Variants in RBFOX1 observed in about 807,000 individuals in gnomAD.
RBFOX1 encodes RNA binding fox-1 homolog 1.
In RBFOX1, 8 loss-of-function variants were observed where a neutral mutation model predicts 57.7. The observed-to-expected ratio is 0.14, with a 90% confidence interval of 0.08 to 0.25. RBFOX1 has a LOEUF of 0.25. RBFOX1 is among the 10% of genes least tolerant of loss of function. RBFOX1 has a pLI of 1.00. For missense variants in RBFOX1, 611 were observed against 548.5 expected (o/e 1.11, Z -1.14); for synonymous variants, 326 against 222.4 (o/e 1.47, Z -4.15).
chr16:5,513,574 T>C (rs1274816926), intron 2 of RBFOX1, among the ~76,000 whole-genome samples: 1 of 152,214 alleles, frequency 6.6e-6, no homozygotes, highest in African/African-American at 2.4e-5. Flanking sequence ...TTTGTTTGCT[T>C]TCATTGATGG....
At chr16:7,461,835 G>A (rs2059639594) in intron 4 of RBFOX1, among the ~76,000 whole-genome samples, 1 of 152,012 alleles carries the variant, frequency 6.6e-6, no homozygotes, top group African/African-American at 2.4e-5. Context: ...CTTCTGGGAT[G>A]TGAGGGGGCA....
chr16:7,419,362 C>G (rs184524826), intron 4 of RBFOX1, among the ~76,000 whole-genome samples: 1 of 152,328 alleles, frequency 6.6e-6, no homozygotes, highest in Admixed American at 6.5e-5. Flanking sequence ...TTCCAGGAGT[C>G]TCCACTGTCT....
intron 3 of RBFOX1, among the ~76,000 whole-genome samples, chr16:6,950,853 T>C (rs1353452890): frequency 6.6e-6 from 1 of 152,034 alleles, no homozygotes; most frequent in African/African-American, 2.4e-5. Context: ...TTTTCTTTCT[T>C]TCTCTGTTTT....
intron 2 of RBFOX1, among the ~76,000 whole-genome samples, chr16:6,561,263 C>A (rs2153910160): frequency 6.6e-6 from 1 of 152,318 alleles, no homozygotes; most frequent in East Asian, 1.9e-4. Context: ...CTGTCCACAG[C>A]AGACCAGAAT....
intron 2 of RBFOX1, among the ~76,000 whole-genome samples, chr16:6,654,398 T>G (rs921096042): frequency 6.6e-6 from 1 of 152,214 alleles, no homozygotes. Flanking sequence ...AACTTACTTA[T>G]GAGATACATA....
At chr16:5,860,081 G>A (rs142624652) in intron 3 of RBFOX1, among the ~76,000 whole-genome samples, 2,142 of 152,236 alleles carry the variant, frequency 0.014, 19 homozygotes, top group Non-Finnish European at 0.022. Flanking sequence ...AGTGGACACT[G>A]TCAGCATTTC....
intron 1 of RBFOX1, among the ~76,000 whole-genome samples, chr16:6,139,675 T>G (rs1191264108): frequency 6.6e-6 from 1 of 152,254 alleles, no homozygotes; most frequent in Non-Finnish European, 1.5e-5. Context: ...TAGATTGGCT[T>G]GGCCATGCCA....
At chr16:7,257,350 A>T (rs2094731914) in intron 4 of RBFOX1, among the ~76,000 whole-genome samples, 1 of 152,030 alleles carries the variant, frequency 6.6e-6, no homozygotes, top group Non-Finnish European at 1.5e-5. Flanking sequence ...CTGGGGTAAA[A>T]TTACATGCAA....
intron 1 of RBFOX1, among the ~76,000 whole-genome samples, chr16:6,145,984 C>T (rs76355302): frequency 0.031 from 4,673 of 152,210 alleles, 264 homozygotes; most frequent in African/African-American, 0.11. Context: ...TGACCAAAGG[C>T]ATTTATTTGC....
At chr16:6,760,092 G>A (rs7188743) in intron 3 of RBFOX1, among the ~76,000 whole-genome samples, 144,972 of 152,206 alleles carry the variant, frequency 0.95, 69,463 homozygotes, top group East Asian at 1. Flanking sequence ...GTGTGATCTT[G>A]TTTTCATTAA....
intron 4 of RBFOX1, among the ~76,000 whole-genome samples, chr16:7,189,349 C>A (rs954304902): frequency 2.7e-5 from 4 of 147,272 alleles, no homozygotes; most frequent in African/African-American, 7.5e-5. Context: ...TGGTGTGAAC[C>A]CGGGAGGTGG....
intron 2 of RBFOX1, among the ~76,000 whole-genome samples, chr16:6,512,225 A>G (rs1332906176): frequency 6.8e-6 from 1 of 147,916 alleles, no homozygotes; most frequent in East Asian, 2.1e-4. Context: ...TTGAGGCTGC[A>G]GTGAACCATG....
chr16:7,045,054 C>G (rs1188200258), intron 3 of RBFOX1, among the ~76,000 whole-genome samples: 1 of 152,156 alleles, frequency 6.6e-6, no homozygotes, highest in Non-Finnish European at 1.5e-5. Flanking sequence ...ACAGCTCTTT[C>G]TTCACGGAAG....
At chr16:6,236,304 C>G (rs2097504738) in intron 1 of RBFOX1, among the ~76,000 whole-genome samples, 1 of 152,140 alleles carries the variant, frequency 6.6e-6, no homozygotes, top group South Asian at 2.1e-4. Flanking sequence ...GTCCTGGTCC[C>G]ATTTGTGAAA....
chr16:6,321,832 C>T (rs2081840200), intron 2 of RBFOX1, among the ~76,000 whole-genome samples: 3 of 152,138 alleles, frequency 2.0e-5, no homozygotes, highest in Non-Finnish European at 2.9e-5. Context: ...CCTCAGTATT[C>T]GTCTTCAAAG....
intron 3 of RBFOX1, among the ~76,000 whole-genome samples, chr16:6,888,851 A>G (rs185760197): frequency 3.2e-4 from 48 of 152,182 alleles, no homozygotes; most frequent in African/African-American, 1.1e-3. Flanking sequence ...TATGTCCTTT[A>G]TTCATCCCTC....
intron 5 of RBFOX1, chr16:7,519,706 T>C: frequency 1.0e-6 from 1 of 985,376 alleles, no homozygotes; most frequent in Non-Finnish European, 1.2e-6. Flanking sequence ...GGAACATTTT[T>C]TGAGTGTAAG....
intron 1 of RBFOX1, among the ~76,000 whole-genome samples, chr16:6,108,246 CA>C (rs1181968887): frequency 1.5e-4 from 23 of 152,178 alleles, no homozygotes; most frequent in South Asian, 4.2e-4. Flanking sequence ...GAATGATGCT[CA>C]GGGTAGTGTA....
intron 3 of RBFOX1, among the ~76,000 whole-genome samples, chr16:6,875,000 T>A (rs560955201): frequency 1.7e-4 from 26 of 152,248 alleles, no homozygotes; most frequent in African/African-American, 6.3e-4. Context: ...TAAAAATGAT[T>A]CCAAGTTGGG....
Sources: gnomAD v4.1 joint callset for allele counts (sites outside exome capture counted in the v4.1 genomes callset) on GRCh38, gnomAD v4.1.1 for gene constraint, MANE v1.5 for transcripts, NCBI Gene and HGNC (gene_info 2026-07-23, HGNC 2026-07-21) for gene names.